Variants in CDK6 observed in about 807,000 individuals in gnomAD.
CDK6 encodes the protein cyclin dependent kinase 6.
Under a neutral mutation model 37.1 loss-of-function variants are expected in CDK6, and 6 were observed. The ratio of observed to expected loss-of-function variants is 0.16; its 90% confidence interval spans 0.09 to 0.32. The LOEUF is 0.32. CDK6 is among the 10% of genes least tolerant of loss of function. The probability of loss-of-function intolerance (pLI) is 1.00; values close to 1 mark genes in which losing one functional copy is unlikely to be tolerated. For synonymous variants in CDK6, 160 were observed against 161.3 expected (o/e 0.99, Z 0.06); for missense variants, 224 against 418.9 (o/e 0.53, Z 4.06).
At position 92,613,358 on chromosome 7, in the gene CDK6, TA is replaced by T. The variant is rs1291178708; in HGVS notation, c.*1781del. ...TCTTTGAAAATCCTAACCCTAAACA[TA>T]ATCTAACTGTTGCATGATCTAACTG... On this transcript the variant is annotated 3_prime_UTR_variant, in exon 8 of 8. Transcript: ENST00000424848. 2.3e-4 allele frequency: 54 copies of T among 233,496 alleles called. No individual in the cohort carries two copies. The East Asian group carries it at 3.3e-3, about 14-fold the overall frequency. The allele number at this position is 233,496 out of a possible 1,614,324, so 14.5% of individuals were successfully genotyped here.
chr7:92,785,229 G>T (rs1800094958), intron 2 of CDK6, among the ~76,000 whole-genome samples: 1 of 152,176 alleles, frequency 6.6e-6, no homozygotes, highest in Non-Finnish European at 1.5e-5. Flanking sequence ...ACAAATACAT[G>T]CTATGACATG....
At chr7:92,688,399 C>T (rs542518883) in intron 4 of CDK6, among the ~76,000 whole-genome samples, 1 of 152,260 alleles carries the variant, frequency 6.6e-6, no homozygotes, top group South Asian at 2.1e-4. Flanking sequence ...TAAATAGTGT[C>T]TGTCATTTGT....
intron 6 of CDK6, among the ~76,000 whole-genome samples, chr7:92,620,525 A>G (rs948964273): frequency 3.9e-5 from 6 of 152,224 alleles, no homozygotes; most frequent in African/African-American, 1.4e-4. Context: ...ATGCTCTAAG[A>G]TGTCACAGGC....
intron 5 of CDK6, among the ~76,000 whole-genome samples, chr7:92,628,743 A>G (rs1795986433): frequency 6.6e-6 from 1 of 152,098 alleles, no homozygotes; most frequent in Non-Finnish European, 1.5e-5. Flanking sequence ...TTTATGCTTT[A>G]ATCTGCCTGT....
intron 3 of CDK6, 59 bp downstream of exon 3, chr7:92,774,637 T>C (rs1292657501): frequency 2.1e-6 from 3 of 1,428,014 alleles, no homozygotes; most frequent in Non-Finnish European, 2.8e-6. Context: ...AAGAAAGCCA[T>C]TGCTTAACAG....
intron 3 of CDK6, among the ~76,000 whole-genome samples, chr7:92,769,027 G>A (rs2115757939): frequency 6.6e-6 from 1 of 152,088 alleles, no homozygotes; most frequent in South Asian, 2.1e-4. Flanking sequence ...ATCAGCCCTG[G>A]GCATCCCATA....
intron 4 of CDK6, chr7:92,710,587 G>T: frequency 2.8e-6 from 1 of 359,476 alleles, no homozygotes; most frequent in Non-Finnish European, 3.9e-6. Context: ...TGGATATTTT[G>T]TACTTGTAAC....
In CDK6 at chr7:92,690,659, A is replaced by T. The variant is rs372994897; in HGVS notation, c.538-19124T>A. ...CTATTAACATTCTACAGAATTAGTG[A>T]TCCTTGGAAAACGAGTTGAAAAGCA... is the stretch of plus-strand genomic sequence containing the variant. On this transcript the variant is annotated intron_variant, in intron 4 of 7. Coordinates refer to ENST00000424848, the MANE Select transcript of CDK6 (RefSeq NM_001145306.2). 6.6e-5 allele frequency among the ~76,000 whole-genome samples: 10 copies of T among 152,332 alleles called. No individual in the cohort carries two copies. The East Asian group carries it at 1.5e-3, about 23-fold the overall frequency.
At chr7:92,764,757 C>T (rs1008323633) in intron 3 of CDK6, among the ~76,000 whole-genome samples, 1 of 152,186 alleles carries the variant, frequency 6.6e-6, no homozygotes, top group Non-Finnish European at 1.5e-5. Context: ...ATTCATTCAA[C>T]AATTACTTAC....
At chr7:92,800,507 T>C (rs1800543082) in intron 2 of CDK6, among the ~76,000 whole-genome samples, 1 of 152,182 alleles carries the variant, frequency 6.6e-6, no homozygotes, top group South Asian at 2.1e-4. Flanking sequence ...GCTTTATTCT[T>C]TGTATTACAG....
intron 3 of CDK6, among the ~76,000 whole-genome samples, chr7:92,770,889 T>A (rs1428382687): frequency 1.3e-5 from 2 of 152,088 alleles, no homozygotes; most frequent in Admixed American, 1.3e-4. Flanking sequence ...CCCCTGAGCT[T>A]AAATGATCTT....
intron 3 of CDK6, among the ~76,000 whole-genome samples, chr7:92,758,940 T>C (rs1157258785): frequency 6.6e-6 from 1 of 152,130 alleles, no homozygotes; most frequent in Non-Finnish European, 1.5e-5. Context: ...TCTTGGCTTG[T>C]CTGTTGGTGG....
At chr7:92,663,521 C>T (rs988189951) in intron 5 of CDK6, among the ~76,000 whole-genome samples, 15 of 151,590 alleles carry the variant, frequency 9.9e-5, no homozygotes, top group African/African-American at 2.9e-4. Flanking sequence ...GCAACAACAG[C>T]GAAACCCCGT....
At chr7:92,666,790 T>C (rs1035703328) in intron 5 of CDK6, among the ~76,000 whole-genome samples, 1 of 152,248 alleles carries the variant, frequency 6.6e-6, no homozygotes. Flanking sequence ...CATATAATTA[T>C]ATACAGTACA....
chr7:92,646,061 G>A (rs1562923011), intron 5 of CDK6, among the ~76,000 whole-genome samples: 2 of 152,162 alleles, frequency 1.3e-5, no homozygotes, highest in African/African-American at 4.8e-5. Flanking sequence ...TGCTATTTTT[G>A]TGGCTTGCCT....
intron 2 of CDK6, among the ~76,000 whole-genome samples, chr7:92,799,070 T>C (rs536137464): frequency 2.0e-5 from 3 of 152,130 alleles, no homozygotes; most frequent in Admixed American, 1.3e-4. Flanking sequence ...TATTTCCTCA[T>C]AACAACAAAA....
chr7:92,710,485 T>C (rs959571574), intron 4 of CDK6, among the ~76,000 whole-genome samples: 2 of 152,180 alleles, frequency 1.3e-5, no homozygotes, highest in African/African-American at 4.8e-5. Context: ...ACCAAGATGA[T>C]ACCATCAAGC....
At chr7:92,626,271 A>G (rs1795926076) in intron 5 of CDK6, among the ~76,000 whole-genome samples, 1 of 152,070 alleles carries the variant, frequency 6.6e-6, no homozygotes. Context: ...TGTATGTAAT[A>G]TACATATAAT....
chr7:92,622,973 G>A (rs2116494444), intron 6 of CDK6, 63 bp downstream of exon 6: 1 of 996,436 alleles, frequency 1.0e-6, no homozygotes, highest in Non-Finnish European at 1.6e-6. Context: ...GCATGTCAGA[G>A]GAAAGTCACT....
Sources: allele counts gnomAD v4.1 joint callset (sites outside exome capture counted in the v4.1 genomes callset), GRCh38; gene constraint gnomAD v4.1.1; transcripts MANE v1.5; gene names NCBI Gene and HGNC (gene_info 2026-07-23, HGNC 2026-07-21).